CHD3: variants seen among roughly 807,000 people sequenced by gnomAD.
CHD3 encodes the protein chromodomain helicase DNA binding protein 3, also known as ATP-dependent chromatin remodeler CHD3.
Under a neutral mutation model 248.9 loss-of-function variants are expected in CHD3, and 52 were observed. That is an observed-to-expected ratio of 0.21 (90% CI 0.17 to 0.26). The LOEUF (loss-of-function observed/expected upper bound fraction) is 0.26. Ranked by LOEUF, CHD3 falls within the 10% of genes least tolerant of loss-of-function variation. The pLI is 1.00. For synonymous variants in CHD3, 985 were observed against 985.2 expected (o/e 1.00, Z 0.00); for missense variants, 1,482 against 2,605.8 (o/e 0.57, Z 9.39).
Position 7,910,774 on chromosome 17 carries a change from A to G in CHD3, c.5755-73A>G. ...TAGCAGTTGTGGAGTGTGGCTCATA[A>G]TGTCTCTCCTACAGCTTCTTTCCTC... On this transcript the variant is annotated intron_variant, in intron 38 of 39. Transcript: ENST00000330494. This position sits in a 1 kb window ranked among gnomAD's most constrained non-coding sequence, Gnocchi z 4.7. The G allele has an allele frequency of 6.4e-7, 1 of 1,551,860 alleles. No homozygotes were observed. The highest frequency in any genetic ancestry group is 1.2e-5 in the South Asian group (1 of 82,472).
Position 7,906,937 on chromosome 17 carries a change from T to A in CHD3, c.4572T>A (p.Asp1524Glu). 1 of 1,614,094 alleles carries A rather than the reference T, an allele frequency of 6.2e-7. No individual in the cohort carries two copies. Among genetic ancestry groups the A allele is most frequent in the South Asian group, 1.1e-5 (1 of 91,084 alleles). Residue 1524 changes from aspartate (D) to glutamate (E), a missense_variant, in exon 30 of 40, where the codon GAT becomes GAA. This residue lies in a region of CHD3 where 254 missense variants were observed against 266.7 expected (regional missense o/e 0.95). Coordinates refer to ENST00000330494, the MANE Select transcript of CHD3 (RefSeq NM_001005273.3). This position sits in a 1 kb window ranked among gnomAD's most constrained non-coding sequence, Gnocchi z 5.0. Reference sequence around the variant, plus strand: ...AACTGATGCCTGACCCCAGCGCCGATTCTAAGCGCTCCTCCAGAGCCTCCT... The same window carrying A: ...AACTGATGCCTGACCCCAGCGCCGAATCTAAGCGCTCCTCCAGAGCCTCCT... ...MPELMPDPSA[D>E]SKRSSRASSP...
In CHD3 at chr17:7,890,471, T is replaced by A; in HGVS notation, c.214-100T>A. Reference sequence around the variant, plus strand: ...TAAAAAATTAGTTACTATCACAGGATTGTTGTGAAGATTAAAAGAGGTAAG... The same window carrying A: ...TAAAAAATTAGTTACTATCACAGGAATGTTGTGAAGATTAAAAGAGGTAAG... On this transcript the variant is annotated intron_variant, in intron 2 of 39. Transcript: ENST00000330494. 6.5e-6 allele frequency: 5 copies of A among 769,938 alleles called. No homozygotes were observed. In the South Asian group the frequency reaches 8.2e-5, roughly 13 times the overall value. The allele number at this position is 769,938 out of a possible 1,614,324, so 47.7% of individuals were successfully genotyped here. A position where few individuals can be genotyped will look rare whatever the true frequency, so the allele number is the denominator to read the frequency against.
In CHD3 at chr17:7,889,684, C is replaced by A. The variant is rs1968540434; in HGVS notation, c.121C>A (p.Leu41Met). 6.2e-7 allele frequency: 1 copy of A among 1,612,920 alleles called. No homozygotes were observed. Among genetic ancestry groups the A allele is most frequent in the Admixed American group, 1.7e-5 (1 of 59,858 alleles). ...RMPDKDDIRLLPSALGVKKRK... is the reference protein window; with the variant it reads ...RMPDKDDIRLMPSALGVKKRK... The stretch of plus-strand genomic sequence containing the variant: ...CAAAGATAAGGATGACATTCGGCTG[C>A]TGCCGTCAGCATTGGGTGTGAAGAA... Residue 41 changes from leucine (L) to methionine (M), a missense_variant, in exon 2 of 40, where the codon CTG (leucine) becomes ATG (methionine). This residue lies in a region of CHD3 where 169 missense variants were observed against 168.1 expected (regional missense o/e 1.01). Transcript: ENST00000330494. This position sits in a 1 kb window ranked among gnomAD's most constrained non-coding sequence, Gnocchi z 4.5.
Position 7,909,713 on chromosome 17 carries a change from T to C in CHD3, c.5590+375T>C. 4.1e-6 allele frequency: 1 copy of C among 243,470 alleles called. No individual in the cohort carries two copies. Among genetic ancestry groups the C allele is most frequent in the Middle Eastern group, 1.3e-3 (1 of 796 alleles). 15.1% of individuals were successfully genotyped at this position (243,470 alleles called of 1,614,324 possible). A position where few individuals can be genotyped will look rare whatever the true frequency, so the allele number is the denominator to read the frequency against. On this transcript the variant is annotated intron_variant, in intron 37 of 39. Coordinates refer to ENST00000330494, the MANE Select transcript of CHD3 (RefSeq NM_001005273.3). The surrounding 1 kb of genome is among the most constrained non-coding windows in gnomAD (Gnocchi z 8.1). ...GCACCATACAGATCCCTGGCTGTGA[T>C]CAAACAAATCACATTCCCTCACATG...
At chr17:7,893,239 C>T (rs1969137360) in intron 4 of CHD3, 47 bp from the exon 5 acceptor site, 6 of 1,537,464 alleles carry the variant, frequency 3.9e-6, no homozygotes, top group African/African-American at 1.4e-5. Flanking sequence ...GGCAGTGTTC[C>T]CAGACCATCT....
chr17:7,885,025 CCCGCCG>C (rs759738955), upstream of CHD3: 121 of 1,161,154 alleles, frequency 1.0e-4, no homozygotes, highest in East Asian at 1.2e-3. Context: ...GCCACCTCTT[CCCGCCG>C]CCGCCGCCGC....
At chr17:7,893,021 A>G (rs1366596461) in intron 4 of CHD3, among the ~76,000 whole-genome samples, 2 of 151,678 alleles carry the variant, frequency 1.3e-5, no homozygotes, top group South Asian at 2.1e-4. Context: ...GGCTCAAGCA[A>G]TCCTCCTGCT....
At chr17:7,902,811 T>A in intron 21 of CHD3, 84 bp downstream of exon 21, 2 of 1,581,898 alleles carry the variant, frequency 1.3e-6, no homozygotes, top group Non-Finnish European at 1.7e-6. Context: ...GGGGACTGGC[T>A]TGGGGGACAT....
Position 7,905,892 on chromosome 17 carries a change from C to T in CHD3, c.4261C>T (p.Leu1421Phe). The T allele has an allele frequency of 6.2e-7, 1 of 1,614,150 alleles. No individual in the cohort carries two copies. Among genetic ancestry groups the T allele is most frequent in the African/African-American group, 1.3e-5 (1 of 75,026 alleles). The change falls in exon 28 of 40, where the codon CTC (leucine) becomes TTC (phenylalanine). Residue 1421 changes from leucine (L) to phenylalanine (F), a missense_variant. Coordinates refer to ENST00000330494, the MANE Select transcript of CHD3 (RefSeq NM_001005273.3). This position sits in a 1 kb window ranked among gnomAD's most constrained non-coding sequence, Gnocchi z 5.8. Reference protein sequence around the residue: ...GFNTRQRKAFLNAVMRWGMPP... With the variant: ...GFNTRQRKAFFNAVMRWGMPP... ...CAACACCCGTCAGCGGAAGGCTTTC[C>T]TCAATGCTGTGATGCGCTGGGGGAT... is the stretch of plus-strand genomic sequence containing the variant.
chr17:7,906,861 C>T lies in CHD3; in HGVS notation c.4504-8C>T. 1 of 1,614,000 alleles carries T rather than the reference C, an allele frequency of 6.2e-7. No individual in the cohort carries two copies. Among genetic ancestry groups the T allele is most frequent in the South Asian group, 1.1e-5 (1 of 91,072 alleles). ...CTGACACCTAACCCTCCCACCCTGC[C>T]ACCCCAGGTGCAGGAGTTTGAGCAC... is the stretch of plus-strand genomic sequence containing the variant. On this transcript the variant is annotated splice_region_variant and splice_polypyrimidine_tract_variant and intron_variant, in intron 29 of 39. Transcript: ENST00000330494. This position sits in a 1 kb window ranked among gnomAD's most constrained non-coding sequence, Gnocchi z 5.0.
rs1170791209 is a variant in CHD3, at chr17:7,910,756, TGTGGA to T, written c.5755-87_5755-83del. ...GCCTGTGTATCCTACCCTTAGCAGTTGTGGAGTGTGGCTCATAATGTCTCTCCTAC... is the reference window on the plus strand; with the variant it reads ...GCCTGTGTATCCTACCCTTAGCAGTTGTGTGGCTCATAATGTCTCTCCTAC... On this transcript the variant is annotated intron_variant, in intron 38 of 39. Coordinates refer to ENST00000330494, the MANE Select transcript of CHD3 (RefSeq NM_001005273.3). The surrounding 1 kb of genome is among the most constrained non-coding windows in gnomAD (Gnocchi z 4.7). 2 of 1,531,532 alleles carry T rather than the reference TGTGGA, an allele frequency of 1.3e-6. No individual in the cohort carries two copies. The highest frequency in any genetic ancestry group is 4.2e-5 in the Admixed American group (2 of 47,580). 94.9% of individuals were successfully genotyped at this position (1,531,532 alleles called of 1,614,324 possible). A position where few individuals can be genotyped will look rare whatever the true frequency, so the allele number is the denominator to read the frequency against.
At chr17:7,896,390 C>T (rs1031694392) in intron 10 of CHD3, among the ~76,000 whole-genome samples, 1 of 150,296 alleles carries the variant, frequency 6.7e-6, no homozygotes, top group African/African-American at 2.4e-5. Flanking sequence ...CTAATCCATC[C>T]TTTTTCTTTT....
intron 8 of CHD3, 122 bp downstream of exon 8, chr17:7,894,730 T>C (rs1969402139): frequency 1.5e-6 from 2 of 1,335,792 alleles, no homozygotes; most frequent in Non-Finnish European, 2.1e-6. Flanking sequence ...GATGTCCGAG[T>C]GTCTAGGATC....
chr17:7,888,430 G>A (rs1332718012), upstream of CHD3, among the ~76,000 whole-genome samples: 2 of 152,224 alleles, frequency 1.3e-5, no homozygotes, highest in Non-Finnish European at 2.9e-5. Context: ...TCTTGCATCG[G>A]CTGCCTCTCT....
In CHD3 at chr17:7,897,764, T is replaced by C. The variant is rs9895704; in HGVS notation, c.1920-207T>C. Among the ~76,000 whole-genome samples the C allele has an allele frequency of 0.034, 5,165 of 152,294 alleles. 310 individuals are homozygous for C. Among genetic ancestry groups the C allele is most frequent in the African/African-American group, 0.12 (4,895 of 41,544 alleles). On this transcript the variant is annotated intron_variant, in intron 11 of 39. Coordinates refer to ENST00000330494, the MANE Select transcript of CHD3 (RefSeq NM_001005273.3). The surrounding 1 kb of genome is among the most constrained non-coding windows in gnomAD (Gnocchi z 4.8). ...ATAAGGAGGGATCTCCAGGAATGTT[T>C]TGTGATAGCTGATTTTTAGGATACC...
At position 7,907,129 on chromosome 17, in the gene CHD3, C is replaced by T; in HGVS notation, c.4670C>T (p.Thr1557Ile). 1 of 1,614,202 alleles carries T rather than the reference C, an allele frequency of 6.2e-7. No homozygotes were observed. The highest frequency in any genetic ancestry group is 8.5e-7 in the Non-Finnish European group (1 of 1,180,024). ...ATCACTGTGCCTTCCCCTGCAGCTA[C>T]TCCAGCTCCAAGTGAGAAAGGAGAA... ...TNSPCTSKPA[T>I]PAPSEKGEGI... The change falls in exon 31 of 40, where the codon ACT becomes ATT. Residue 1557 changes from threonine to isoleucine, a missense_variant. Thr to Ile is a moderately conservative substitution (Grantham distance 89). This residue lies in a region of CHD3 where 254 missense variants were observed against 266.7 expected (regional missense o/e 0.95). Coordinates refer to ENST00000330494, the MANE Select transcript of CHD3 (RefSeq NM_001005273.3). This position sits in a 1 kb window ranked among gnomAD's most constrained non-coding sequence, Gnocchi z 4.3.
upstream of CHD3, among the ~76,000 whole-genome samples, chr17:7,886,850 G>T (rs547731994): frequency 2.5e-4 from 38 of 152,048 alleles, no homozygotes; most frequent in Non-Finnish European, 5.1e-4. The surrounding 1 kb of genome is among the most constrained non-coding windows in gnomAD (Gnocchi z 4.2). Flanking sequence ...TGGGTACGTT[G>T]GGGAGAGAAG....
Position 7,907,060 on chromosome 17 carries a change from A to C in CHD3, c.4666+29A>C. ...ATCAGAAGTCAGGATGGTGGGAGAG[A>C]CAGAAAGGGAGCCAGGAGTCAGGGC... On this transcript the variant is annotated intron_variant, in intron 30 of 39. Coordinates refer to ENST00000330494, the MANE Select transcript of CHD3 (RefSeq NM_001005273.3). The surrounding 1 kb of genome is among the most constrained non-coding windows in gnomAD (Gnocchi z 4.3). The C allele has an allele frequency of 6.2e-7, 1 of 1,613,822 alleles. No homozygotes were observed.
At chr17:7,893,973 C>A in intron 6 of CHD3, 38 bp downstream of exon 6, 1 of 1,573,494 alleles carries the variant, frequency 6.4e-7, no homozygotes. Flanking sequence ...CACCTGGGGG[C>A]CAAGGATCCA....
Sources: gnomAD v4.1 joint callset for allele counts (sites outside exome capture counted in the v4.1 genomes callset) on GRCh38, gnomAD v4.1.1 for gene constraint, gnomAD v4.1.1 regional missense constraint, Gnocchi (gnomAD v3.1) non-coding constraint, MANE v1.5 for transcripts, NCBI Gene and HGNC (gene_info 2026-07-23, HGNC 2026-07-21) for gene names.